Variants in ENOX1 observed in about 807,000 individuals in gnomAD.
ENOX1 encodes candidate growth-related and time keeping constitutive hydroquinone (NADH) oxidase.
Under a neutral mutation model 82.5 loss-of-function variants are expected in ENOX1, and 42 were observed. That is an observed-to-expected ratio of 0.51 (90% CI 0.40 to 0.66). The LOEUF (loss-of-function observed/expected upper bound fraction) is 0.66. Among genes scored for constraint, ENOX1 ranks in the 30% least tolerant of loss-of-function variants. The pLI is 0.00. For missense variants in ENOX1, 608 were observed against 811.6 expected, an observed-to-expected ratio of 0.75 and a Z score of 3.05; for synonymous variants, 271 against 282.2, an observed-to-expected ratio of 0.96 and a Z score of 0.40.
At chr13:43,591,421 T>C (rs1256498143) in intron 2 of ENOX1, among the ~76,000 whole-genome samples, 1 of 151,934 alleles carries the variant, frequency 6.6e-6, no homozygotes, top group Non-Finnish European at 1.5e-5. Flanking sequence ...CAAAAACACA[T>C]AAAACAATAT....
intron 5 of ENOX1, among the ~76,000 whole-genome samples, chr13:43,372,197 T>C (rs762991413): frequency 3.3e-5 from 5 of 152,232 alleles, no homozygotes; most frequent in Non-Finnish European, 7.3e-5. Context: ...TTTGTCTTAT[T>C]AAGTGAATAG....
intron 1 of ENOX1, among the ~76,000 whole-genome samples, chr13:43,743,019 CTAGT>C (rs1455133833): frequency 2.0e-5 from 3 of 152,104 alleles, no homozygotes; most frequent in Non-Finnish European, 4.4e-5. Context: ...ATAGATGGCA[CTAGT>C]TAATGTTCCT....
chr13:43,243,027 T>C (rs918747652), intron 14 of ENOX1, among the ~76,000 whole-genome samples: 2 of 151,542 alleles, frequency 1.3e-5, no homozygotes, highest in African/African-American at 2.4e-5. Flanking sequence ...TCCCAGCTAC[T>C]TGGGAGGCTG....
intron 12 of ENOX1, among the ~76,000 whole-genome samples, chr13:43,296,979 C>T (rs1046634343): frequency 6.6e-6 from 1 of 152,178 alleles, no homozygotes; most frequent in African/African-American, 2.4e-5. Context: ...AAGTCTCACA[C>T]AGCAGCTGTT....
chr13:43,402,074 CAG>C (rs751878959), intron 5 of ENOX1, among the ~76,000 whole-genome samples: 21 of 152,018 alleles, frequency 1.4e-4, no homozygotes, highest in East Asian at 3.8e-4. Flanking sequence ...TCAATCAAGA[CAG>C]AGATTCAGAA....
intron 11 of ENOX1, among the ~76,000 whole-genome samples, chr13:43,301,326 G>A (rs1297524849): frequency 2.6e-5 from 4 of 152,112 alleles, no homozygotes; most frequent in Admixed American, 2.6e-4. Flanking sequence ...CAAAATGCAA[G>A]CAGCTATAAA....
intron 3 of ENOX1, among the ~76,000 whole-genome samples, chr13:43,461,875 G>T (rs1429512560): frequency 6.6e-6 from 1 of 152,192 alleles, no homozygotes; most frequent in African/African-American, 2.4e-5. Context: ...AATGTAATTA[G>T]CGCAATCACT....
chr13:43,479,304 G>A (rs1240858918), intron 3 of ENOX1, among the ~76,000 whole-genome samples: 3 of 147,764 alleles, frequency 2.0e-5, no homozygotes, highest in Non-Finnish European at 4.5e-5. Context: ...TGAAACTATG[G>A]TGCTTGGTGA....
At chr13:43,652,527 T>C (rs928004231) in intron 2 of ENOX1, among the ~76,000 whole-genome samples, 1 of 152,128 alleles carries the variant, frequency 6.6e-6, no homozygotes, top group African/African-American at 2.4e-5. Context: ...CGAAATAACT[T>C]AGAAACATAG....
chr13:43,513,292 G>C (rs930943372), intron 2 of ENOX1, among the ~76,000 whole-genome samples: 1 of 152,124 alleles, frequency 6.6e-6, no homozygotes, highest in Non-Finnish European at 1.5e-5. Flanking sequence ...CTGGGTGATA[G>C]AGCAGGGGAA....
chr13:43,264,620 C>T (rs1290072995), intron 14 of ENOX1, among the ~76,000 whole-genome samples: 1 of 152,116 alleles, frequency 6.6e-6, no homozygotes, highest in Non-Finnish European at 1.5e-5. Flanking sequence ...CATTCATTAT[C>T]ATGTCTAATT....
At chr13:43,415,210 C>T (rs1272344999) in intron 3 of ENOX1, among the ~76,000 whole-genome samples, 2 of 135,184 alleles carry the variant, frequency 1.5e-5, no homozygotes, top group Admixed American at 1.5e-4. Context: ...TGTATTACAT[C>T]TCTTCAGTCT....
chr13:43,426,993 T>C (rs1008911590), intron 3 of ENOX1, among the ~76,000 whole-genome samples: 9 of 152,220 alleles, frequency 5.9e-5, no homozygotes, highest in African/African-American at 1.9e-4. Flanking sequence ...GCTATCATTC[T>C]TAACTACTGG....
At chr13:43,731,219 C>A (rs1436348802) in intron 1 of ENOX1, among the ~76,000 whole-genome samples, 10 of 152,160 alleles carry the variant, frequency 6.6e-5, no homozygotes, top group Non-Finnish European at 1.2e-4. Flanking sequence ...TTGCCATACA[C>A]TAAAAATTAC....
At chr13:43,355,821 T>G in intron 8 of ENOX1, 98 bp downstream of exon 8, 1 of 1,183,498 alleles carries the variant, frequency 8.4e-7, no homozygotes, top group African/African-American at 1.5e-5. Context: ...TAGCAGACAT[T>G]GTGCTGAAGG....
At chr13:43,580,759 G>C (rs998444115) in intron 2 of ENOX1, among the ~76,000 whole-genome samples, 15 of 152,130 alleles carry the variant, frequency 9.9e-5, no homozygotes, top group African/African-American at 3.6e-4. Flanking sequence ...TATTTTTATA[G>C]GTAAGGTTAC....
At chr13:43,714,903 C>T (rs1223757036) in intron 1 of ENOX1, among the ~76,000 whole-genome samples, 2 of 152,254 alleles carry the variant, frequency 1.3e-5, no homozygotes, top group South Asian at 2.1e-4. Flanking sequence ...GCATTTAGCC[C>T]ATTTACATTT....
At chr13:43,429,259 G>A (rs78375134) in intron 3 of ENOX1, among the ~76,000 whole-genome samples, 6,547 of 152,160 alleles carry the variant, frequency 0.043, 484 homozygotes, top group African/African-American at 0.15. Context: ...CTAGCAAAAC[G>A]GTCATATATT....
intron 1 of ENOX1, among the ~76,000 whole-genome samples, chr13:43,695,317 C>G (rs555923440): frequency 6.6e-6 from 1 of 152,244 alleles, no homozygotes; most frequent in East Asian, 1.9e-4. Context: ...GTTACCTAAC[C>G]TCTCTGAGCC....
Sources: allele counts gnomAD v4.1 joint callset (sites outside exome capture counted in the v4.1 genomes callset), GRCh38; gene constraint gnomAD v4.1.1; transcripts MANE v1.5; gene names NCBI Gene and HGNC (gene_info 2026-07-23, HGNC 2026-07-21).